PTPRD: variants seen among roughly 807,000 people sequenced by gnomAD.
PTPRD encodes the protein protein tyrosine phosphatase receptor type D.
Under a neutral mutation model 214.5 loss-of-function variants are expected in PTPRD, and 34 were observed. The observed-to-expected ratio is 0.16, with a 90% confidence interval of 0.12 to 0.21. The LOEUF is 0.21. PTPRD is among the 10% of genes least tolerant of loss of function. The pLI, the probability that PTPRD is intolerant of heterozygous loss-of-function variation, is 1.00. For synonymous variants in PTPRD, 1,128 were observed against 845.7 expected, an observed-to-expected ratio of 1.33 and a Z score of -5.79; for missense variants, 2,545 against 2,398.7, an observed-to-expected ratio of 1.06 and a Z score of -1.27.
intron 12 of PTPRD, chr9:8,713,971 T>TAC (rs2098401501): frequency 1.6e-6 from 1 of 609,150 alleles, no homozygotes; most frequent in Admixed American, 2.9e-5. Flanking sequence ...CTGACCTTGG[T>TAC]ACACAGTGAC....
At chr9:10,355,048 T>G (rs1030190195) in intron 2 of PTPRD, among the ~76,000 whole-genome samples, 2 of 152,190 alleles carry the variant, frequency 1.3e-5, no homozygotes, top group Non-Finnish European at 2.9e-5. Flanking sequence ...AGAAAATAAA[T>G]TTCTTAGAAT....
intron 3 of PTPRD, among the ~76,000 whole-genome samples, chr9:10,204,200 T>G (rs2099453048): frequency 6.6e-6 from 1 of 152,154 alleles, no homozygotes; most frequent in Non-Finnish European, 1.5e-5. Context: ...ACTCCATTTT[T>G]CAGTGTGTAC....
At chr9:9,327,659 A>AAAT (rs957675278) in intron 9 of PTPRD, among the ~76,000 whole-genome samples, 46 of 152,218 alleles carry the variant, frequency 3.0e-4, no homozygotes, top group African/African-American at 1.0e-3. Flanking sequence ...AGAATGTGGG[A>AAAT]AATAATAACA....
At chr9:9,308,164 C>G (rs575526553) in intron 9 of PTPRD, among the ~76,000 whole-genome samples, 1 of 152,240 alleles carries the variant, frequency 6.6e-6, no homozygotes, top group South Asian at 2.1e-4. Context: ...GTGTTAGGCT[C>G]TTTTTAATGC....
At chr9:8,688,109 C>T (rs773381953) in intron 12 of PTPRD, among the ~76,000 whole-genome samples, 5 of 152,144 alleles carry the variant, frequency 3.3e-5, no homozygotes, top group East Asian at 1.9e-4. Context: ...ACTTACTTGG[C>T]GAGTGATCAG....
At chr9:9,137,588 C>G (rs1437790676) in intron 10 of PTPRD, among the ~76,000 whole-genome samples, 1 of 152,122 alleles carries the variant, frequency 6.6e-6, no homozygotes, top group East Asian at 1.9e-4. Context: ...CATGGATGAA[C>G]TTCTTTATGA....
intron 9 of PTPRD, among the ~76,000 whole-genome samples, chr9:9,247,725 C>G (rs1160905589): frequency 1.3e-5 from 2 of 152,058 alleles, no homozygotes; most frequent in African/African-American, 2.4e-5. Context: ...TTGAATCCCA[C>G]ACAATAGTAG....
intron 10 of PTPRD, among the ~76,000 whole-genome samples, chr9:9,138,106 G>C (rs1274914373): frequency 1.3e-5 from 2 of 152,076 alleles, no homozygotes; most frequent in Non-Finnish European, 2.9e-5. Context: ...GACCAGAGCA[G>C]ATGAATAATA....
intron 3 of PTPRD, among the ~76,000 whole-genome samples, chr9:10,241,163 G>C (rs925876988): frequency 6.6e-6 from 1 of 151,842 alleles, no homozygotes; most frequent in African/African-American, 2.4e-5. Context: ...ACTCTGTACT[G>C]ATTACATTTG....
At chr9:9,248,310 T>A (rs1248102378) in intron 9 of PTPRD, among the ~76,000 whole-genome samples, 1 of 152,046 alleles carries the variant, frequency 6.6e-6, no homozygotes, top group South Asian at 2.1e-4. Context: ...GCCAGGCTAA[T>A]CTTGAACTCC....
At chr9:9,882,708 G>T (rs375929729) in intron 5 of PTPRD, among the ~76,000 whole-genome samples, 2 of 151,978 alleles carry the variant, frequency 1.3e-5, no homozygotes, top group Non-Finnish European at 1.5e-5. Flanking sequence ...AGGAAGTCTT[G>T]TCCACATGAC....
At chr9:8,887,516 T>A (rs1288059698) in intron 11 of PTPRD, among the ~76,000 whole-genome samples, 1 of 152,210 alleles carries the variant, frequency 6.6e-6, no homozygotes, top group Non-Finnish European at 1.5e-5. Context: ...AAATCTGAAC[T>A]TCTTACTTAC....
intron 3 of PTPRD, among the ~76,000 whole-genome samples, chr9:10,328,830 C>T (rs1048215830): frequency 6.6e-6 from 1 of 151,686 alleles, no homozygotes; most frequent in African/African-American, 2.4e-5. Context: ...TGGCATCTTG[C>T]TCACTTCCAA....
intron 3 of PTPRD, among the ~76,000 whole-genome samples, chr9:10,129,541 T>C (rs1289598984): frequency 6.6e-6 from 1 of 150,924 alleles, no homozygotes; most frequent in Non-Finnish European, 1.5e-5. Context: ...TCGTCTTTTC[T>C]TGGTTCCTTC....
chr9:10,279,708 G>GAAA (rs34503009), intron 3 of PTPRD, among the ~76,000 whole-genome samples: 1 of 131,108 alleles, frequency 7.6e-6, no homozygotes, highest in East Asian at 2.1e-4. Context: ...GTGCAAAACA[G>GAAA]AAAAAAAAAA....
intron 27 of PTPRD, among the ~76,000 whole-genome samples, chr9:8,489,356 C>G (rs1209021186): frequency 1.3e-5 from 2 of 152,176 alleles, no homozygotes; most frequent in Non-Finnish European, 2.9e-5. Context: ...AGAGCATTAG[C>G]TCTGACCTAC....
intron 3 of PTPRD, among the ~76,000 whole-genome samples, chr9:10,078,671 A>G (rs912389715): frequency 2.0e-5 from 3 of 152,054 alleles, no homozygotes; most frequent in East Asian, 3.9e-4. Context: ...ATTATTTACC[A>G]ACTTCATAAA....
chr9:9,554,706 C>T (rs921058958), intron 8 of PTPRD, among the ~76,000 whole-genome samples: 45 of 152,032 alleles, frequency 3.0e-4, no homozygotes, highest in African/African-American at 1.1e-3. Flanking sequence ...AATCTCTACA[C>T]GGATACTGAG....
chr9:9,911,683 A>C (rs2079226130), intron 5 of PTPRD, among the ~76,000 whole-genome samples: 1 of 152,158 alleles, frequency 6.6e-6, no homozygotes, highest in Non-Finnish European at 1.5e-5. Context: ...CATAACATTC[A>C]AAATGCCAAG....
Sources: allele counts gnomAD v4.1 joint callset (sites outside exome capture counted in the v4.1 genomes callset), GRCh38; gene constraint gnomAD v4.1.1; transcripts MANE v1.5; gene names NCBI Gene and HGNC (gene_info 2026-07-23, HGNC 2026-07-21).